ARHGEF18: variants seen among roughly 807,000 people sequenced by gnomAD.
ARHGEF18 encodes Rho/Rac guanine nucleotide exchange factor 18.
A neutral mutation model predicts 155.7 loss-of-function variants in ARHGEF18; 93 were observed. The observed-to-expected ratio is 0.60, with a 90% CI of 0.50 to 0.71. ARHGEF18 has a LOEUF of 0.71. ARHGEF18 is among the 30% of genes least tolerant of loss of function. ARHGEF18 has a pLI of 0.00. For missense variants in ARHGEF18, 1,593 were observed against 1,816.1 expected (o/e 0.88, Z 2.23); for synonymous variants, 742 against 753.1 (o/e 0.99, Z 0.24).
At chr19:7,479,310 CCT>C in the ARHGEF18 span, among the ~76,000 whole-genome samples, 43 of 152,252 alleles carry the variant, frequency 2.8e-4, no homozygotes, top group Middle Eastern at 6.8e-3. Flanking sequence ...ATGGTGAACC[CCT>C]GTCTCTACTA....
intron 15 of ARHGEF18, among the ~76,000 whole-genome samples, chr19:7,449,490 T>C (rs1313792536): frequency 6.6e-6 from 1 of 152,004 alleles, no homozygotes; most frequent in Admixed American, 6.6e-5. Flanking sequence ...GGAGAATCGC[T>C]TAAACTTGGG....
chr19:7,447,827 C>G (rs2145811634), intron 15 of ARHGEF18, among the ~76,000 whole-genome samples: 1 of 152,118 alleles, frequency 6.6e-6, no homozygotes, highest in East Asian at 1.9e-4. Flanking sequence ...GATCCTGTCT[C>G]TAAGAAAAAT....
intron 25 of ARHGEF18, 33 bp from the exon 26 acceptor site, chr19:7,467,181 G>T: frequency 1.3e-6 from 2 of 1,578,564 alleles, no homozygotes. Flanking sequence ...GCGCAGGTGC[G>T]GCTCTCACTC....
chr19:7,412,157 T>A (rs1181263525), intron 10 of ARHGEF18, among the ~76,000 whole-genome samples: 1 of 151,606 alleles, frequency 6.6e-6, no homozygotes, highest in African/African-American at 2.4e-5. Flanking sequence ...TGCCTCAGCC[T>A]CCCAAGTAGC....
intron 2 of ARHGEF18, among the ~76,000 whole-genome samples, chr19:7,371,656 A>G (rs566660227): frequency 1.3e-5 from 2 of 152,078 alleles, no homozygotes; most frequent in Non-Finnish European, 2.9e-5. Flanking sequence ...CACCATCTCC[A>G]CTAAAAATAC....
intron 14 of ARHGEF18, 104 bp from the exon 15 acceptor site, chr19:7,446,939 C>A: frequency 1.8e-5 from 23 of 1,289,322 alleles, no homozygotes; most frequent in East Asian, 1.1e-4. Flanking sequence ...AATGGAATTG[C>A]AAATAAATCT....
chr19:7,467,505 C>A lies in ARHGEF18; in HGVS notation c.3301C>A (p.Arg1101=). Residue 1101 remains arginine, a synonymous_variant, in exon 26 of 29, where the codon CGG becomes AGG. Coordinates refer to ENST00000668164, the MANE Select transcript of ARHGEF18 (RefSeq NM_001367823.1). The part of the protein sequence containing the change: ...REGEARQLRE[R]LEQERAELER... The stretch of plus-strand genomic sequence containing the variant: ...GGGCGAGGCGCGGCAGCTACGCGAG[C>A]GGCTGGAGCAGGAGCGGGCCGAGCT... 1.4e-6 allele frequency: 2 copies of A among 1,431,532 alleles called. No homozygotes were observed. Among genetic ancestry groups the A allele is most frequent in the South Asian group, 1.4e-5 (1 of 69,070 alleles). 88.7% of individuals were successfully genotyped at this position (1,431,532 alleles called of 1,614,324 possible). A position where few individuals can be genotyped will look rare whatever the true frequency, so the allele number is the denominator to read the frequency against.
chr19:7,390,874 T>C (rs1462403503), intron 10 of ARHGEF18, among the ~76,000 whole-genome samples: 8 of 152,156 alleles, frequency 5.3e-5, no homozygotes, highest in Admixed American at 4.6e-4. Flanking sequence ...ACACCGTCTC[T>C]ACTAAAAATA....
chr19:7,463,763 C>T lies in ARHGEF18; in HGVS notation c.2636-55C>T. The T allele has an allele frequency of 6.5e-7, 1 of 1,536,566 alleles. No homozygotes were observed. The highest frequency in any genetic ancestry group is 2.0e-5 in the Admixed American group (1 of 50,216). On this transcript the variant is annotated intron_variant, in intron 21 of 28. Coordinates refer to ENST00000668164, the MANE Select transcript of ARHGEF18 (RefSeq NM_001367823.1). This position sits in a 1 kb window ranked among gnomAD's most constrained non-coding sequence, Gnocchi z 5.2. ...TCTCGCTGCCCCAGCGCTCCGTATTCCCCCAGCACACTTCCGCAGGGCGAC... is the reference window on the plus strand; with the variant it reads ...TCTCGCTGCCCCAGCGCTCCGTATTTCCCCAGCACACTTCCGCAGGGCGAC...
chr19:7,374,926 G>T (rs552603356), intron 3 of ARHGEF18, among the ~76,000 whole-genome samples: 1 of 152,270 alleles, frequency 6.6e-6, no homozygotes, highest in South Asian at 2.1e-4. Flanking sequence ...GAGGCAGGGG[G>T]TGCTCTAGCC....
chr19:7,461,499 G>A lies in ARHGEF18; in HGVS notation c.2453-653G>A, dbSNP rs527599831. Among the ~76,000 whole-genome samples the A allele has an allele frequency of 4.1e-4, 63 of 152,192 alleles. No homozygotes were observed. The Middle Eastern group carries it at 0.01, about 25-fold the overall frequency. On this transcript the variant is annotated intron_variant, in intron 20 of 28. Coordinates refer to ENST00000668164, the MANE Select transcript of ARHGEF18 (RefSeq NM_001367823.1). ...CGGGAGGTGGAGGTTGCAGTGAGCC[G>A]AGATTGTGCCACTGCACTCCAGCCT...
chr19:7,415,114 C>T (rs192405086), intron 10 of ARHGEF18, among the ~76,000 whole-genome samples: 1 of 152,294 alleles, frequency 6.6e-6, no homozygotes, highest in East Asian at 1.9e-4. Flanking sequence ...TATTCTGCTC[C>T]CAAGACCGCT....
chr19:7,434,648 TA>T (rs1974154061), intron 10 of ARHGEF18, among the ~76,000 whole-genome samples: 2 of 152,112 alleles, frequency 1.3e-5, no homozygotes, highest in South Asian at 2.1e-4. Flanking sequence ...GGAAAAACCG[TA>T]GCAGGAGATA....
downstream of ARHGEF18, among the ~76,000 whole-genome samples, chr19:7,473,577 C>T (rs1977126880): frequency 6.6e-6 from 1 of 151,918 alleles, no homozygotes; most frequent in Admixed American, 6.6e-5. Context: ...TTTGGGAAGC[C>T]AAGGTGGGCA....
At chr19:7,413,627 TG>T (rs1972829111) in intron 10 of ARHGEF18, among the ~76,000 whole-genome samples, 1 of 152,096 alleles carries the variant, frequency 6.6e-6, no homozygotes, top group Non-Finnish European at 1.5e-5. Context: ...TTAGCCATGG[TG>T]GTGTGCACTT....
chr19:7,468,104 G>A (rs560733200), intron 26 of ARHGEF18, among the ~76,000 whole-genome samples: 55 of 152,228 alleles, frequency 3.6e-4, no homozygotes, highest in South Asian at 1.5e-3. Flanking sequence ...GGAATGCTGA[G>A]GTGGGAGGAT....
chr19:7,470,482 G>T lies in ARHGEF18; in HGVS notation c.*184G>T. 2 of 475,340 alleles carry T rather than the reference G, an allele frequency of 4.2e-6. No homozygotes were observed. The highest frequency in any genetic ancestry group is 6.7e-6 in the Non-Finnish European group (2 of 297,412). 29.4% of individuals were successfully genotyped at this position (475,340 alleles called of 1,614,324 possible). A position where few individuals can be genotyped will look rare whatever the true frequency, so the allele number is the denominator to read the frequency against. On this transcript the variant is annotated 3_prime_UTR_variant, in exon 29 of 29. Coordinates refer to ENST00000668164, the MANE Select transcript of ARHGEF18 (RefSeq NM_001367823.1). This position sits in a 1 kb window ranked among gnomAD's most constrained non-coding sequence, Gnocchi z 5.9. The stretch of plus-strand genomic sequence containing the variant: ...TGGGCCTTGCAGCTGTTTCTGTAGG[G>T]TTAGCGGTGGTGCCGGGGTCACTTT...
intron 10 of ARHGEF18, among the ~76,000 whole-genome samples, chr19:7,438,131 C>T (rs931452983): frequency 1.3e-5 from 2 of 149,392 alleles, no homozygotes; most frequent in Non-Finnish European, 3.0e-5. Context: ...GAGAAGGTCC[C>T]GCTCTGTCAC....
intron 10 of ARHGEF18, among the ~76,000 whole-genome samples, chr19:7,398,775 T>C (rs1971871244): frequency 1.3e-5 from 2 of 152,188 alleles, no homozygotes; most frequent in Non-Finnish European, 2.9e-5. Flanking sequence ...CTTGAGAATG[T>C]CCCCACTTTG....
Sources: allele counts gnomAD v4.1 joint callset (sites outside exome capture counted in the v4.1 genomes callset), GRCh38; gene constraint gnomAD v4.1.1; non-coding constraint Gnocchi (gnomAD v3.1); transcripts MANE v1.5; gene names NCBI Gene and HGNC (gene_info 2026-07-23, HGNC 2026-07-21).